Variants in CUX2 observed in about 807,000 individuals in gnomAD.
CUX2 encodes cut like homeobox 2.
CUX2 carries 40 observed loss-of-function variants against 144.8 expected under a neutral mutation model. The ratio of observed to expected loss-of-function variants is 0.28; its 90% CI spans 0.21 to 0.36. The LOEUF (loss-of-function observed/expected upper bound fraction) is 0.36. Ranked by LOEUF, CUX2 falls within the 10% of genes least tolerant of loss-of-function variation. The probability of loss-of-function intolerance (pLI) is 1.00; values close to 1 mark genes in which losing one functional copy is unlikely to be tolerated. For missense variants in CUX2, 1,615 were observed against 1,994.0 expected (o/e 0.81, Z 3.62); for synonymous variants, 827 against 875.6 (o/e 0.94, Z 0.98).
chr12:111,093,916 A>G (rs1258220098), intron 1 of CUX2, among the ~76,000 whole-genome samples: 1 of 152,168 alleles, frequency 6.6e-6, no homozygotes, highest in Non-Finnish European at 1.5e-5. Flanking sequence ...TTCCTGAAAA[A>G]TTTATTTACT....
At chr12:111,172,361 A>G (rs1278783336) in intron 1 of CUX2, among the ~76,000 whole-genome samples, 1 of 152,270 alleles carries the variant, frequency 6.6e-6, no homozygotes, top group African/African-American at 2.4e-5. Context: ...TTAGCGAGGC[A>G]GAACTATCGG....
At position 111,248,285 on chromosome 12, in the gene CUX2, CAG is replaced by C. The variant is rs528564526; in HGVS notation, c.223-15473_223-15472del. ...CTCTCTAGGTGGGGACACTGAGGCA[CAG>C]AGTGTTCCAGGAAAGCTGCTAGTTC... On this transcript the variant is annotated intron_variant, in intron 3 of 21. Coordinates refer to ENST00000261726, the MANE Select transcript of CUX2 (RefSeq NM_015267.4). Among the ~76,000 whole-genome samples, 480 of 152,326 alleles carry C rather than the reference CAG, an allele frequency of 3.2e-3. 3 individuals carry two copies. Among genetic ancestry groups the C allele is most frequent in the African/African-American group, 0.011 (455 of 41,576 alleles).
At chr12:111,187,461 A>C (rs1592817483) in intron 1 of CUX2, among the ~76,000 whole-genome samples, 4 of 141,996 alleles carry the variant, frequency 2.8e-5, no homozygotes, top group South Asian at 2.3e-4. Flanking sequence ...CTCTACCACC[A>C]CCTCCCCCTA....
At chr12:111,207,584 T>C (rs1880988336) in intron 1 of CUX2, among the ~76,000 whole-genome samples, 1 of 152,170 alleles carries the variant, frequency 6.6e-6, no homozygotes, top group Non-Finnish European at 1.5e-5. Flanking sequence ...TAATCACTGC[T>C]CATCTTTGTT....
rs187068417 is a variant in CUX2 at position 111,066,115 on chromosome 12, G to A, written c.63+31875G>A. Among the ~76,000 whole-genome samples, 5 of 152,324 alleles carry A rather than the reference G, an allele frequency of 3.3e-5. No homozygotes were observed. In the East Asian group the frequency reaches 9.7e-4, roughly 29 times the overall value. ...CTCGCTGAGTGTGAAGGCCTCTTCA[G>A]TACTAAGATGGGCACCTATCTATCC... On this transcript the variant is annotated intron_variant, in intron 1 of 21. Coordinates refer to ENST00000261726, the MANE Select transcript of CUX2 (RefSeq NM_015267.4).
At chr12:111,318,141 A>G (rs1488920860) in intron 16 of CUX2, among the ~76,000 whole-genome samples, 1 of 150,934 alleles carries the variant, frequency 6.6e-6, no homozygotes, top group Non-Finnish European at 1.5e-5. Context: ...TGGTGCAAAC[A>G]TGGCTCACTG....
chr12:111,228,610 G>T (rs910014828), intron 3 of CUX2, among the ~76,000 whole-genome samples: 1 of 152,064 alleles, frequency 6.6e-6, no homozygotes, highest in Non-Finnish European at 1.5e-5. Flanking sequence ...TTTTAGTAGA[G>T]ACAGGGCTTC....
chr12:111,072,776 A>G (rs1213414415), intron 1 of CUX2, among the ~76,000 whole-genome samples: 3 of 152,226 alleles, frequency 2.0e-5, no homozygotes, highest in Non-Finnish European at 4.4e-5. Context: ...AGCCCCATCA[A>G]GGCAGGGAGC....
rs1884257471 is a variant in CUX2, at chr12:111,263,936, G to T, written c.301+97G>T. On this transcript the variant is annotated intron_variant, in intron 4 of 21. Transcript: ENST00000261726. The surrounding 1 kb of genome is among the most constrained non-coding windows in gnomAD (Gnocchi z 4.0). ...ACTTTGAGGTGGGATGTGGGGACAT[G>T]CCTGGGCTCCTGGGTGAGGCCAGGC... is the stretch of plus-strand genomic sequence containing the variant. 2.5e-6 allele frequency: 3 copies of T among 1,196,036 alleles called. No homozygotes were observed. Among genetic ancestry groups the T allele is most frequent in the African/African-American group, 3.0e-5 (2 of 66,658 alleles). 74.1% of individuals were successfully genotyped at this position (1,196,036 alleles called of 1,614,324 possible). A position where few individuals can be genotyped will look rare whatever the true frequency, so the allele number is the denominator to read the frequency against.
At chr12:111,235,915 G>T (rs1176371870) in intron 3 of CUX2, among the ~76,000 whole-genome samples, 1 of 152,086 alleles carries the variant, frequency 6.6e-6, no homozygotes, top group Non-Finnish European at 1.5e-5. Flanking sequence ...AAGAGGACCT[G>T]GCTTCAGGGA....
At chr12:111,093,810 T>G (rs577785604) in intron 1 of CUX2, among the ~76,000 whole-genome samples, 1 of 152,370 alleles carries the variant, frequency 6.6e-6, no homozygotes, top group Non-Finnish European at 1.5e-5. Flanking sequence ...AATTTTGCCC[T>G]GGCGATGGAC....
intron 1 of CUX2, among the ~76,000 whole-genome samples, chr12:111,082,746 C>A (rs1871971066): frequency 6.6e-6 from 1 of 152,158 alleles, no homozygotes; most frequent in African/African-American, 2.4e-5. Flanking sequence ...CAGAGCAGAG[C>A]ATGAGCAAAA....
chr12:111,298,812 C>T (rs1886145384), intron 9 of CUX2, among the ~76,000 whole-genome samples: 1 of 152,146 alleles, frequency 6.6e-6, no homozygotes, highest in Non-Finnish European at 1.5e-5. Flanking sequence ...GTAGGGAATG[C>T]AGACAGACAC....
intron 1 of CUX2, among the ~76,000 whole-genome samples, chr12:111,050,550 A>C (rs762135107): frequency 3.8e-4 from 58 of 152,146 alleles, no homozygotes; most frequent in Non-Finnish European, 7.3e-4. Flanking sequence ...GGATGGCTCC[A>C]TCCGGGTCTA....
Position 111,190,845 on chromosome 12 carries a change from C to T in CUX2, c.64-23355C>T, listed in dbSNP as rs1199694727. The stretch of plus-strand genomic sequence containing the variant: ...GGCTTTTAATCTGTGTGCGTTGACT[C>T]CTGCCATGAAACTGACACCCTCCAA... On this transcript the variant is annotated intron_variant, in intron 1 of 21. Coordinates refer to ENST00000261726, the MANE Select transcript of CUX2 (RefSeq NM_015267.4). This position sits in a 1 kb window ranked among gnomAD's most constrained non-coding sequence, Gnocchi z 4.0. Among the ~76,000 whole-genome samples the T allele has an allele frequency of 1.3e-5, 2 of 152,170 alleles. No homozygotes were observed. Among genetic ancestry groups the T allele is most frequent in the Non-Finnish European group, 2.9e-5 (2 of 68,032 alleles).
chr12:111,180,210 A>C (rs1879084815), intron 1 of CUX2, among the ~76,000 whole-genome samples: 1 of 151,530 alleles, frequency 6.6e-6, no homozygotes, highest in Admixed American at 6.6e-5. Flanking sequence ...CACACCCCTG[A>C]CTGGTGCCTG....
rs1316658238 is a variant in CUX2, at chr12:111,077,962, A to G, written c.63+43722A>G. 6.6e-6 allele frequency among the ~76,000 whole-genome samples: 1 copy of G among 152,244 alleles called. No individual in the cohort carries two copies. Among genetic ancestry groups the G allele is most frequent in the Non-Finnish European group, 1.5e-5 (1 of 68,040 alleles). On this transcript the variant is annotated intron_variant, in intron 1 of 21. Transcript: ENST00000261726. The surrounding 1 kb of genome is among the most constrained non-coding windows in gnomAD (Gnocchi z 4.1). Reference sequence around the variant, plus strand: ...TGTAACAGCAAGAAAGAAGAGAGGAAACAAAGGGAGTCCAGGTGGTACCCA... The same window carrying G: ...TGTAACAGCAAGAAAGAAGAGAGGAGACAAAGGGAGTCCAGGTGGTACCCA...
At position 111,198,099 on chromosome 12, in the gene CUX2, C is replaced by T. The variant is rs927883795; in HGVS notation, c.64-16101C>T. Among the ~76,000 whole-genome samples the T allele has an allele frequency of 2.0e-5, 3 of 152,170 alleles. No homozygotes were observed. In the East Asian group the frequency reaches 5.8e-4, roughly 29 times the overall value. ...TTTTGTTTTATTTATGTGAAATATT[C>T]TTTAGTTATCAAAATCTTTTCATAC... On this transcript the variant is annotated intron_variant, in intron 1 of 21. Coordinates refer to ENST00000261726, the MANE Select transcript of CUX2 (RefSeq NM_015267.4).
At chr12:111,071,928 T>A (rs1871269837) in intron 1 of CUX2, among the ~76,000 whole-genome samples, 1 of 152,238 alleles carries the variant, frequency 6.6e-6, no homozygotes, top group Admixed American at 6.5e-5. Context: ...TAACTATATT[T>A]ATGTGGGTCT....
Sources: allele counts gnomAD v4.1 joint callset (sites outside exome capture counted in the v4.1 genomes callset), GRCh38; gene constraint gnomAD v4.1.1; non-coding constraint Gnocchi (gnomAD v3.1); transcripts MANE v1.5; gene names NCBI Gene and HGNC (gene_info 2026-07-23, HGNC 2026-07-21).